CWC27: variants seen among roughly 807,000 people sequenced by gnomAD.
The protein encoded by CWC27 is CWC27 spliceosome associated cyclophilin, also known as spliceosome-associated protein CWC27 homolog.
CWC27 carries 47 observed loss-of-function variants against 63.6 expected under a neutral mutation model. The observed-to-expected ratio is 0.74, with a 90% CI of 0.58 to 0.94. The LOEUF (loss-of-function observed/expected upper bound fraction) is 0.94, where lower values mean the gene tolerates loss of function less well. Among genes scored for constraint, CWC27 ranks in the 40% least tolerant of loss-of-function variants. The pLI is 0.00. For missense variants in CWC27, 495 were observed against 554.3 expected, an observed-to-expected ratio of 0.89 and a Z score of 1.07; for synonymous variants, 175 against 179.8, an observed-to-expected ratio of 0.97 and a Z score of 0.22.
chr5:64,996,896 G>T lies in CWC27; in HGVS notation c.1256+19658G>T, dbSNP rs2112462814. Reference sequence around the variant, plus strand: ...GTAACAGTTTCTCTAAGTTAGCTAGGCTACTTATTTTTCCTATTTTCAGAT... The same window carrying T: ...GTAACAGTTTCTCTAAGTTAGCTAGTCTACTTATTTTTCCTATTTTCAGAT... On this transcript the variant is annotated intron_variant, in intron 13 of 13. Coordinates refer to ENST00000381070, the MANE Select transcript of CWC27 (RefSeq NM_005869.4). Among the ~76,000 whole-genome samples, 2 of 152,098 alleles carry T rather than the reference G, an allele frequency of 1.3e-5. 1 individual carries two copies. Among genetic ancestry groups the T allele is most frequent in the South Asian group, 4.2e-4 (2 of 4,818 alleles).
rs1747045959 is a variant in CWC27 at position 64,885,476 on chromosome 5, A to T, written c.972A>T (p.Lys324Asn). Reference protein sequence around the residue: ...EELRKEARQLKRELLAAKQKK... With the variant: ...EELRKEARQLNRELLAAKQKK... ...TCAGAAAAGAAGCAAGACAATTAAA[A>T]CGGGAACTCTTAGCAGCAAAACAAA... Residue 324 changes from lysine to asparagine, a missense_variant, in exon 11 of 14, where the codon AAA (lysine) becomes AAT (asparagine). By Grantham distance (94) the Lys-to-Asn change is moderately conservative. Around this residue, in one of 3 missense-constraint regions of CWC27, gnomAD observed 463 missense variants for 498.1 expected, o/e 0.93. Coordinates refer to ENST00000381070, the MANE Select transcript of CWC27 (RefSeq NM_005869.4). 6.2e-7 allele frequency: 1 copy of T among 1,609,874 alleles called. No individual in the cohort carries two copies. Among genetic ancestry groups the T allele is most frequent in the Admixed American group, 1.7e-5 (1 of 59,472 alleles).
At chr5:64,828,022 G>T (rs1318255470) in intron 10 of CWC27, among the ~76,000 whole-genome samples, 1 of 152,036 alleles carries the variant, frequency 6.6e-6, no homozygotes, top group Non-Finnish European at 1.5e-5. Flanking sequence ...GTATATATGG[G>T]GTTTTATACT....
At chr5:64,934,861 G>C (rs1748312421) in intron 11 of CWC27, among the ~76,000 whole-genome samples, 1 of 152,170 alleles carries the variant, frequency 6.6e-6, no homozygotes, top group Admixed American at 6.5e-5. Flanking sequence ...CAGTGATGAT[G>C]AGCTTTTTTT....
At chr5:64,954,176 C>T (rs1371806434) in intron 11 of CWC27, among the ~76,000 whole-genome samples, 3 of 152,138 alleles carry the variant, frequency 2.0e-5, no homozygotes, top group African/African-American at 7.2e-5. Flanking sequence ...TCAGAGTTCA[C>T]AGACATCTAG....
intron 10 of CWC27, among the ~76,000 whole-genome samples, chr5:64,846,863 A>G (rs1407784183): frequency 6.6e-6 from 1 of 151,734 alleles, no homozygotes; most frequent in African/African-American, 2.4e-5. Flanking sequence ...GCGTGGTGGC[A>G]TGCACCTGTA....
At chr5:64,917,442 CT>C (rs1747911942) in intron 11 of CWC27, among the ~76,000 whole-genome samples, 1 of 152,110 alleles carries the variant, frequency 6.6e-6, no homozygotes, top group Non-Finnish European at 1.5e-5. Context: ...AACAGAGGCC[CT>C]TTTGTCTGAT....
At chr5:64,866,095 A>AT (rs1436363592) in intron 10 of CWC27, among the ~76,000 whole-genome samples, 1 of 152,054 alleles carries the variant, frequency 6.6e-6, no homozygotes, top group African/African-American at 2.4e-5. Context: ...TGTCAAGGAG[A>AT]TTTTTTAATT....
chr5:64,958,338 G>A (rs1038356140), intron 11 of CWC27, among the ~76,000 whole-genome samples: 9 of 152,052 alleles, frequency 5.9e-5, no homozygotes, highest in East Asian at 1.9e-4. Flanking sequence ...CTGGCTTCTC[G>A]TAAAACCTGT....
intron 11 of CWC27, among the ~76,000 whole-genome samples, chr5:64,952,685 T>TA (rs1400877436): frequency 6.6e-6 from 1 of 152,012 alleles, no homozygotes; most frequent in Non-Finnish European, 1.5e-5. Flanking sequence ...TAATATTAAA[T>TA]AAAAAATTTT....
chr5:64,907,049 A>G (rs1246646100), intron 11 of CWC27, among the ~76,000 whole-genome samples: 1 of 152,188 alleles, frequency 6.6e-6, no homozygotes, highest in Non-Finnish European at 1.5e-5. Flanking sequence ...TACCAGTACC[A>G]TGCTGTTTTG....
intron 11 of CWC27, among the ~76,000 whole-genome samples, chr5:64,955,415 G>A (rs1748786523): frequency 6.6e-6 from 1 of 152,130 alleles, no homozygotes; most frequent in South Asian, 2.1e-4. Flanking sequence ...CTGTAAAACT[G>A]CAAAGTGCTG....
At chr5:65,003,365 C>G in intron 13 of CWC27, among the ~76,000 whole-genome samples, 1 of 152,094 alleles carries the variant, frequency 6.6e-6, no homozygotes, top group East Asian at 1.9e-4. Flanking sequence ...TTCCTCCTCT[C>G]TTCGTTTTTT....
At chr5:64,853,853 A>G (rs867067321) in intron 10 of CWC27, among the ~76,000 whole-genome samples, 13 of 152,220 alleles carry the variant, frequency 8.5e-5, no homozygotes, top group Non-Finnish European at 1.5e-4. Flanking sequence ...CATCCAAACT[A>G]TATCAACGGT....
chr5:64,805,914 C>T (rs1744651803), intron 10 of CWC27, among the ~76,000 whole-genome samples: 2 of 152,076 alleles, frequency 1.3e-5, no homozygotes, highest in South Asian at 2.1e-4. Flanking sequence ...GTAGTATGGG[C>T]CTGATGACCA....
At chr5:64,845,253 A>T (rs1194167333) in intron 10 of CWC27, among the ~76,000 whole-genome samples, 2 of 152,206 alleles carry the variant, frequency 1.3e-5, no homozygotes, top group Non-Finnish European at 2.9e-5. Flanking sequence ...CATGCCAAAG[A>T]ACACCTATTG....
At chr5:64,787,000 A>C (rs543135078) in intron 6 of CWC27, among the ~76,000 whole-genome samples, 35 of 152,316 alleles carry the variant, frequency 2.3e-4, no homozygotes, top group South Asian at 1.2e-3. Flanking sequence ...CCTTCTTCAC[A>C]AGGCAGCAGG....
At chr5:64,884,576 G>A (rs1354057604) in intron 10 of CWC27, among the ~76,000 whole-genome samples, 2 of 152,172 alleles carry the variant, frequency 1.3e-5, no homozygotes, top group Admixed American at 1.3e-4. Flanking sequence ...TCAGAGTGGA[G>A]TGCCTACTTG....
At chr5:64,786,491 G>T in intron 5 of CWC27, 33 bp from the exon 6 acceptor site, 1 of 1,308,016 alleles carries the variant, frequency 7.6e-7, no homozygotes, top group Non-Finnish European at 1.0e-6. Context: ...TGTTAAAAAT[G>T]GAATAATGTT....
chr5:65,017,567 AG>A (rs1379291020), intron 13 of CWC27, among the ~76,000 whole-genome samples: 11 of 152,252 alleles, frequency 7.2e-5, no homozygotes, highest in African/African-American at 2.7e-4. Flanking sequence ...AATCAACAGT[AG>A]AAGGAAATTA....
Sources: allele counts gnomAD v4.1 joint callset (sites outside exome capture counted in the v4.1 genomes callset), GRCh38; gene constraint gnomAD v4.1.1; regional missense constraint gnomAD v4.1.1; transcripts MANE v1.5; gene names NCBI Gene and HGNC (gene_info 2026-07-23, HGNC 2026-07-21).